KCNN2: variants seen among roughly 807,000 people sequenced by gnomAD.
KCNN2 encodes small conductance calcium-activated potassium channel protein 2.
A neutral mutation model predicts 55.5 loss-of-function variants in KCNN2; 24 were observed. The ratio of observed to expected loss-of-function variants is 0.43; its 90% CI spans 0.31 to 0.61. The LOEUF (loss-of-function observed/expected upper bound fraction) is 0.61. Ranked by LOEUF, KCNN2 falls within the 20% of genes least tolerant of loss-of-function variation. The pLI is 0.08. For missense variants in KCNN2, 754 were observed against 853.6 expected (o/e 0.88, Z 1.45); for synonymous variants, 431 against 336.1 (o/e 1.28, Z -3.09).
intron 2 of KCNN2, among the ~76,000 whole-genome samples, chr5:114,305,978 T>C (rs1561563813): frequency 1.3e-5 from 2 of 152,316 alleles, no homozygotes; most frequent in African/African-American, 2.4e-5. Flanking sequence ...TGTTTTCTGA[T>C]CATCAGGTCT....
At chr5:114,079,058 C>T (rs1356305731) in intron 1 of KCNN2, among the ~76,000 whole-genome samples, 4 of 152,038 alleles carry the variant, frequency 2.6e-5, no homozygotes, top group African/African-American at 7.2e-5. Context: ...TGATTCTTTC[C>T]ACTACCCTGA....
intron 2 of KCNN2, among the ~76,000 whole-genome samples, chr5:114,371,308 T>C (rs980113949): frequency 1.3e-5 from 2 of 152,116 alleles, no homozygotes; most frequent in African/African-American, 4.8e-5. Flanking sequence ...ACAGAGACTA[T>C]TTAAACCCAC....
intron 5 of KCNN2, among the ~76,000 whole-genome samples, chr5:114,476,986 C>CT: frequency 3.0e-5 from 2 of 65,838 alleles, no homozygotes; most frequent in Admixed American, 1.7e-4. Flanking sequence ...TGAGTATAAA[C>CT]TTTAAACTTT....
At chr5:114,367,569 C>G (rs1757636658) in intron 2 of KCNN2, among the ~76,000 whole-genome samples, 1 of 151,906 alleles carries the variant, frequency 6.6e-6, no homozygotes, top group African/African-American at 2.4e-5. Flanking sequence ...GGAAAGGTCC[C>G]TTGATATTAA....
At chr5:114,343,070 G>T (rs1757045503) in intron 2 of KCNN2, among the ~76,000 whole-genome samples, 1 of 152,128 alleles carries the variant, frequency 6.6e-6, no homozygotes, top group Admixed American at 6.5e-5. Flanking sequence ...GTTTCTCAAG[G>T]AATCAGTTGT....
At chr5:114,279,959 C>T (rs1404115340) in intron 2 of KCNN2, among the ~76,000 whole-genome samples, 7 of 152,146 alleles carry the variant, frequency 4.6e-5, no homozygotes, top group Non-Finnish European at 1.0e-4. Context: ...TCTCCAGCAC[C>T]TGTTGTTTCC....
At position 114,240,923 on chromosome 5, in the gene KCNN2, T is replaced by C. The variant is rs549404151; in HGVS notation, c.-185+19358T>C. ...CTAATAATGAAATTACACAAGAGGA[T>C]TTATTAACTCTCAGGCAGATTAAGG... is the stretch of plus-strand genomic sequence containing the variant. On this transcript the variant is annotated intron_variant, in intron 2 of 10. Transcript: ENST00000512097. Among the ~76,000 whole-genome samples, 3 of 152,240 alleles carry C rather than the reference T, an allele frequency of 2.0e-5. No homozygotes were observed. In the South Asian group the frequency reaches 6.2e-4, roughly 32 times the overall value.
At chr5:114,070,146 T>C (rs1750537604) in intron 1 of KCNN2, among the ~76,000 whole-genome samples, 1 of 152,206 alleles carries the variant, frequency 6.6e-6, no homozygotes, top group African/African-American at 2.4e-5. Context: ...CTATCTTGTC[T>C]TGCTCTGATA....
At chr5:114,154,379 C>G (rs1172072151) in intron 1 of KCNN2, among the ~76,000 whole-genome samples, 1 of 152,048 alleles carries the variant, frequency 6.6e-6, no homozygotes, top group Non-Finnish European at 1.5e-5. Flanking sequence ...ATTGAAGCTG[C>G]TCTAGGGCTC....
At chr5:114,170,912 T>C (rs980099373) in intron 1 of KCNN2, among the ~76,000 whole-genome samples, 2 of 152,042 alleles carry the variant, frequency 1.3e-5, no homozygotes, top group African/African-American at 4.8e-5. Flanking sequence ...CTCCATTATC[T>C]CAAGCTATGC....
rs575730963 is a variant in KCNN2, at chr5:114,250,807, C to T, written c.-185+29242C>T. Reference sequence around the variant, plus strand: ...GTCTCTACTGCCTGATTCTGAGCCTCTTACTAATGGAAAGGAATTTAATAT... The same window carrying T: ...GTCTCTACTGCCTGATTCTGAGCCTTTTACTAATGGAAAGGAATTTAATAT... On this transcript the variant is annotated intron_variant, in intron 2 of 10. Transcript: ENST00000512097. Among the ~76,000 whole-genome samples the T allele has an allele frequency of 9.8e-4, 150 of 152,288 alleles. 2 individuals carry two copies. Among genetic ancestry groups the T allele is most frequent in the Non-Finnish European group, 1.9e-3 (131 of 68,034 alleles).
intron 3 of KCNN2, among the ~76,000 whole-genome samples, chr5:114,417,337 A>T (rs896619902): frequency 2.0e-5 from 3 of 152,150 alleles, no homozygotes; most frequent in African/African-American, 7.2e-5. Context: ...TAATCTGCCT[A>T]CTGTGCTTTC....
intron 2 of KCNN2, among the ~76,000 whole-genome samples, chr5:114,349,797 T>G (rs1038919406): frequency 5.9e-5 from 9 of 152,066 alleles, no homozygotes; most frequent in Non-Finnish European, 5.9e-5. Context: ...TAAAATGGTA[T>G]GTTTACATTT....
chr5:114,362,871 GC>G lies in KCNN2; in HGVS notation c.736del (p.Leu246CysfsTer135). On this transcript the variant is annotated frameshift_variant, in exon 1 of 8. Coordinates refer to ENST00000673685, the MANE Select transcript of KCNN2 (RefSeq NM_021614.4). LOFTEE classifies it high-confidence loss of function. ...NLHEMDSEAQ[P>X]LQPPASVGGG... ...TGCACGAGATGGACTCAGAGGCGCAGCCCCTGCAGCCCCCCGCGTCTGTCGG... is the reference window on the plus strand; with the variant it reads ...TGCACGAGATGGACTCAGAGGCGCAGCCCTGCAGCCCCCCGCGTCTGTCGG... The G allele has an allele frequency of 6.3e-7, 1 of 1,598,790 alleles. No individual in the cohort carries two copies. The highest frequency in any genetic ancestry group is 8.5e-7 in the Non-Finnish European group (1 of 1,178,660).
intron 1 of KCNN2, among the ~76,000 whole-genome samples, chr5:114,111,985 CCT>C (rs1554069210): frequency 3.9e-5 from 6 of 152,066 alleles, no homozygotes; most frequent in African/African-American, 7.2e-5. Flanking sequence ...TGGGTATATA[CCT>C]AAAGGATTAT....
chr5:114,297,368 A>G lies in KCNN2; in HGVS notation c.-184-63577A>G, dbSNP rs1398952053. The stretch of plus-strand genomic sequence containing the variant: ...ATAATTTATTAATTATAAAATATAA[A>G]AGCAAATCAAAGTTTTGTTGATTCA... On this transcript the variant is annotated intron_variant, in intron 2 of 10. Transcript: ENST00000512097. Among the ~76,000 whole-genome samples the G allele has an allele frequency of 2.6e-5, 4 of 152,076 alleles. 1 individual carries two copies. The highest frequency in any genetic ancestry group is 2.6e-4 in the Admixed American group (4 of 15,270).
At chr5:114,181,909 G>A (rs2112554123) in intron 1 of KCNN2, among the ~76,000 whole-genome samples, 1 of 152,258 alleles carries the variant, frequency 6.6e-6, no homozygotes, top group Admixed American at 6.5e-5. Context: ...AACTACTAGG[G>A]AGGCCAAGGC....
intron 2 of KCNN2, among the ~76,000 whole-genome samples, chr5:114,307,559 T>C (rs1407766604): frequency 6.6e-6 from 1 of 152,174 alleles, no homozygotes; most frequent in Non-Finnish European, 1.5e-5. Context: ...ACATCTCTTA[T>C]AGTAAACTGT....
At chr5:114,156,041 T>A (rs11750828) in intron 1 of KCNN2, among the ~76,000 whole-genome samples, 1 of 151,964 alleles carries the variant, frequency 6.6e-6, no homozygotes. Flanking sequence ...TTAATCTATC[T>A]TGACTTAATT....
Sources: allele counts gnomAD v4.1 joint callset (sites outside exome capture counted in the v4.1 genomes callset), GRCh38; gene constraint gnomAD v4.1.1; transcripts MANE v1.5; gene names NCBI Gene and HGNC (gene_info 2026-07-23, HGNC 2026-07-21).